Variants in RANBP2 observed in about 807,000 individuals in gnomAD.
RANBP2 encodes the protein RAN binding protein 2.
In RANBP2, 57 loss-of-function variants were observed where a neutral mutation model predicts 303.6. That is an observed-to-expected ratio of 0.19 (90% CI 0.15 to 0.23). The LOEUF (loss-of-function observed/expected upper bound fraction) is 0.23, where lower values mean the gene tolerates loss of function less well. Among genes scored for constraint, RANBP2 ranks in the 10% least tolerant of loss-of-function variants. The pLI is 1.00. For missense variants in RANBP2, 3,138 were observed against 3,780.8 expected (o/e 0.83, Z 4.46); for synonymous variants, 1,167 against 1,301.5 (o/e 0.90, Z 2.23).
chr2:109,005,375 G>C, the RANBP2 span, among the ~76,000 whole-genome samples: 6 of 152,178 alleles, frequency 3.9e-5, no homozygotes, highest in Non-Finnish European at 7.4e-5. Flanking sequence ...ACCTTCCACA[G>C]CCTGGATCTC....
At chr2:109,184,539 GA>G in the RANBP2 span, among the ~76,000 whole-genome samples, 2 of 152,166 alleles carry the variant, frequency 1.3e-5, no homozygotes, top group Admixed American at 1.3e-4. Flanking sequence ...CTGGGAGGCT[GA>G]GCTGTTGCTT....
At chr2:109,634,591 T>C in the RANBP2 span, among the ~76,000 whole-genome samples, 1 of 152,178 alleles carries the variant, frequency 6.6e-6, no homozygotes, top group Non-Finnish European at 1.5e-5. Context: ...CAGTTACTCA[T>C]TAAAGAACTA....
At chr2:109,724,058 G>A in the RANBP2 span, among the ~76,000 whole-genome samples, 1 of 152,144 alleles carries the variant, frequency 6.6e-6, no homozygotes, top group Non-Finnish European at 1.5e-5. Flanking sequence ...TGTCAGGTTT[G>A]TCAAAGATCA....
chr2:108,790,044 A>G (rs1363728329), downstream of RANBP2, among the ~76,000 whole-genome samples: 1 of 152,184 alleles, frequency 6.6e-6, no homozygotes, highest in East Asian at 1.9e-4. Flanking sequence ...TGGGAGCTTG[A>G]CTTTTTTTAA....
chr2:109,509,903 C>A, the RANBP2 span, among the ~76,000 whole-genome samples: 2 of 152,112 alleles, frequency 1.3e-5, no homozygotes, highest in African/African-American at 4.8e-5. Context: ...TTAAATTAAT[C>A]AAAATAACTA....
the RANBP2 span, among the ~76,000 whole-genome samples, chr2:109,582,690 T>G: frequency 6.6e-6 from 1 of 151,908 alleles, no homozygotes; most frequent in Non-Finnish European, 1.5e-5. Flanking sequence ...CTAAAATTCA[T>G]AAAGAAACAA....
chr2:109,506,583 G>A, the RANBP2 span, among the ~76,000 whole-genome samples: 1 of 152,222 alleles, frequency 6.6e-6, no homozygotes, highest in Non-Finnish European at 1.5e-5. Flanking sequence ...CCTTTTATCT[G>A]CATAGAGTTG....
chr2:109,448,501 G>A, the RANBP2 span, among the ~76,000 whole-genome samples: 2 of 152,060 alleles, frequency 1.3e-5, no homozygotes, highest in Non-Finnish European at 2.9e-5. Context: ...CATTAGCAGC[G>A]GCATTAGGTT....
chr2:109,130,167 G>T, the RANBP2 span: 2 of 1,253,134 alleles, frequency 1.6e-6, no homozygotes, highest in Non-Finnish European at 2.0e-6. Flanking sequence ...GTGTGGGTGG[G>T]TGCTTGGGCG....
At chr2:109,692,275 G>A in the RANBP2 span, among the ~76,000 whole-genome samples, 28 of 151,962 alleles carry the variant, frequency 1.8e-4, no homozygotes, top group African/African-American at 6.3e-4. Context: ...AGGCAGAGAG[G>A]GGGCTGCCTC....
At chr2:109,587,956 C>T in the RANBP2 span, among the ~76,000 whole-genome samples, 3 of 151,104 alleles carry the variant, frequency 2.0e-5, no homozygotes, top group Non-Finnish European at 4.4e-5. Context: ...ATTACCCGGG[C>T]GTGGTGGCAC....
the RANBP2 span, among the ~76,000 whole-genome samples, chr2:109,151,573 G>C: frequency 6.6e-6 from 1 of 152,332 alleles, no homozygotes; most frequent in East Asian, 1.9e-4. Flanking sequence ...TCGGCATGTA[G>C]TTACTATGAA....
intron 7 of RANBP2, among the ~76,000 whole-genome samples, chr2:108,745,941 C>T (rs1033902579): frequency 6.8e-6 from 1 of 147,528 alleles, no homozygotes; most frequent in Non-Finnish European, 1.5e-5. Flanking sequence ...GGGTCTCACT[C>T]TGTCGCCCAA....
At chr2:109,614,650 C>G in the RANBP2 span, 1 of 1,472,418 alleles carries the variant, frequency 6.8e-7, no homozygotes, top group South Asian at 1.3e-5. Context: ...CGCGCCCGCG[C>G]GCACTTCAAG....
At chr2:109,140,750 A>G in the RANBP2 span, among the ~76,000 whole-genome samples, 1 of 152,182 alleles carries the variant, frequency 6.6e-6, no homozygotes, top group Non-Finnish European at 1.5e-5. Flanking sequence ...TGTGCTCTAC[A>G]CGTGGTTAAT....
the RANBP2 span, among the ~76,000 whole-genome samples, chr2:109,693,665 A>G: frequency 6.6e-6 from 1 of 152,216 alleles, no homozygotes; most frequent in Non-Finnish European, 1.5e-5. Flanking sequence ...CCATGTGGAA[A>G]TGTGAGTTCA....
chr2:109,194,916 G>GA, the RANBP2 span, among the ~76,000 whole-genome samples: 2 of 151,968 alleles, frequency 1.3e-5, no homozygotes, highest in Non-Finnish European at 2.9e-5. Flanking sequence ...AAAAGAAAAA[G>GA]AAAAAAATCC....
the RANBP2 span, among the ~76,000 whole-genome samples, chr2:108,991,191 G>C: frequency 6.6e-6 from 1 of 152,122 alleles, no homozygotes; most frequent in African/African-American, 2.4e-5. Flanking sequence ...GTTATGGATG[G>C]TTATACTTGA....
At chr2:109,217,958 T>G in the RANBP2 span, among the ~76,000 whole-genome samples, 614 of 152,298 alleles carry the variant, frequency 4.0e-3, 3 homozygotes, top group Non-Finnish European at 5.8e-3. Flanking sequence ...CCTCGAGGGC[T>G]CTGCCTTGCT....
Sources: allele counts gnomAD v4.1 joint callset (sites outside exome capture counted in the v4.1 genomes callset), GRCh38; gene constraint gnomAD v4.1.1; transcripts MANE v1.5; gene names NCBI Gene and HGNC (gene_info 2026-07-23, HGNC 2026-07-21).